The following PLCB4 variants were observed in gnomAD, a reference collection of about 807,000 sequenced individuals.
PLCB4 encodes the protein 1-phosphatidylinositol 4,5-bisphosphate phosphodiesterase beta-4.
PLCB4 carries 77 observed loss-of-function variants against 178.8 expected under a neutral mutation model. The observed-to-expected ratio is 0.43, with a 90% CI of 0.36 to 0.52. The LOEUF is 0.52. PLCB4 is among the 20% of genes least tolerant of loss of function. PLCB4 has a pLI of 0.00. For synonymous variants in PLCB4, 496 were observed against 490.8 expected (o/e 1.01, Z -0.14); for missense variants, 1,024 against 1,453.4 (o/e 0.70, Z 4.80).
At chr20:9,217,231 G>A (rs1333483663) in intron 2 of PLCB4, among the ~76,000 whole-genome samples, 159 bp from the exon 3 acceptor site, 3 of 152,154 alleles carry the variant, frequency 2.0e-5, no homozygotes, top group African/African-American at 7.2e-5. Context: ...CTGTGTGTCT[G>A]TGTCATTTGT....
chr20:9,097,772 A>G (rs1240232278), intron 2 of PLCB4, among the ~76,000 whole-genome samples: 1 of 152,122 alleles, frequency 6.6e-6, no homozygotes, highest in Non-Finnish European at 1.5e-5. Context: ...GCAGTTGCTC[A>G]CATGTTACTT....
intron 7 of PLCB4, among the ~76,000 whole-genome samples, chr20:9,356,882 G>A (rs1476366146): frequency 2.0e-5 from 3 of 152,158 alleles, no homozygotes; most frequent in Non-Finnish European, 4.4e-5. Context: ...TTAGGAGGCC[G>A]AAGCAGATAC....
At chr20:9,156,653 C>T (rs1159931029) in intron 2 of PLCB4, among the ~76,000 whole-genome samples, 3 of 152,088 alleles carry the variant, frequency 2.0e-5, no homozygotes, top group Admixed American at 2.0e-4. Flanking sequence ...GTTGCTGTGG[C>T]AATTTACATA....
At chr20:9,246,242 G>C (rs1290750157) in intron 3 of PLCB4, among the ~76,000 whole-genome samples, 3 of 151,890 alleles carry the variant, frequency 2.0e-5, no homozygotes, top group Non-Finnish European at 2.9e-5. Flanking sequence ...ATGAAGCCCT[G>C]TGCATAAAAA....
intron 19 of PLCB4, among the ~76,000 whole-genome samples, chr20:9,396,538 G>A (rs1432335743): frequency 1.3e-5 from 2 of 152,112 alleles, no homozygotes; most frequent in African/African-American, 4.8e-5. Flanking sequence ...AGTTGTAAAT[G>A]GGTCATTTGA....
At chr20:9,309,286 A>G (rs1262043857) in intron 4 of PLCB4, among the ~76,000 whole-genome samples, 3 of 152,168 alleles carry the variant, frequency 2.0e-5, no homozygotes, top group African/African-American at 7.2e-5. Flanking sequence ...TGGTTTGTTT[A>G]TGCTACTCCC....
At chr20:9,210,306 C>T (rs893803981) in intron 2 of PLCB4, among the ~76,000 whole-genome samples, 17 of 152,024 alleles carry the variant, frequency 1.1e-4, no homozygotes, top group Non-Finnish European at 1.9e-4. Flanking sequence ...GATGCTTTCT[C>T]GGGAGGGGAA....
rs1175855674 is a variant in PLCB4, at chr20:9,102,173, A to G, written c.-79+5831A>G. On this transcript the variant is annotated intron_variant, in intron 2 of 39. Transcript: ENST00000378473. Reference sequence around the variant, plus strand: ...AATCAGAGTTCTGAGTGAGTTTTTAATCCTCTTGGATCACTACAAAGATTG... The same window carrying G: ...AATCAGAGTTCTGAGTGAGTTTTTAGTCCTCTTGGATCACTACAAAGATTG... Among the ~76,000 whole-genome samples, 4 of 152,122 alleles carry G rather than the reference A, an allele frequency of 2.6e-5. No individual in the cohort carries two copies. The East Asian group carries it at 7.7e-4, about 29-fold the overall frequency.
intron 2 of PLCB4, among the ~76,000 whole-genome samples, chr20:9,217,105 A>C (rs891422269): frequency 2.0e-5 from 3 of 152,192 alleles, no homozygotes; most frequent in Admixed American, 1.3e-4. Context: ...TTGTTGTTCT[A>C]TTGCTGCTTA....
At chr20:9,196,890 T>C (rs1034752724) in intron 2 of PLCB4, among the ~76,000 whole-genome samples, 2 of 152,196 alleles carry the variant, frequency 1.3e-5, no homozygotes, top group South Asian at 2.1e-4. Flanking sequence ...GAGTTCTGAA[T>C]TGAATTTAAA....
intron 4 of PLCB4, among the ~76,000 whole-genome samples, chr20:9,321,335 C>A (rs2094956516): frequency 6.6e-6 from 1 of 152,174 alleles, no homozygotes; most frequent in African/African-American, 2.4e-5. Flanking sequence ...GGTCACACAG[C>A]TTTATGACCC....
intron 3 of PLCB4, among the ~76,000 whole-genome samples, chr20:9,225,258 AG>A (rs1322146738): frequency 6.6e-6 from 1 of 152,164 alleles, no homozygotes; most frequent in African/African-American, 2.4e-5. Context: ...TAAAAGAAAA[AG>A]TTAGAGAAGA....
chr20:9,323,130 G>A (rs2094979575), intron 4 of PLCB4, among the ~76,000 whole-genome samples: 1 of 151,946 alleles, frequency 6.6e-6, no homozygotes, highest in Non-Finnish European at 1.5e-5. Context: ...CTACCATTTC[G>A]CTGTCCCATT....
chr20:9,478,689 A>G (rs2044717546), intron 39 of PLCB4, among the ~76,000 whole-genome samples: 1 of 152,140 alleles, frequency 6.6e-6, no homozygotes. Context: ...CTTCCTGGAG[A>G]TCTTGTTAAA....
At chr20:9,121,327 A>G (rs1160261753) in intron 2 of PLCB4, among the ~76,000 whole-genome samples, 2 of 151,768 alleles carry the variant, frequency 1.3e-5, no homozygotes, top group Non-Finnish European at 2.9e-5. Context: ...AATGACCAGA[A>G]TTTTCTCTCC....
chr20:9,342,481 T>A (rs1157688213), intron 7 of PLCB4, among the ~76,000 whole-genome samples: 1 of 152,186 alleles, frequency 6.6e-6, no homozygotes, highest in South Asian at 2.1e-4. Context: ...TTTTGGTCAG[T>A]TTATCACAAA....
At chr20:9,379,176 A>G (rs2036929961) in intron 12 of PLCB4, among the ~76,000 whole-genome samples, 1 of 152,148 alleles carries the variant, frequency 6.6e-6, no homozygotes, top group Non-Finnish European at 1.5e-5. Context: ...ACAGAAAGGA[A>G]GTTTAGTGGA....
intron 14 of PLCB4, among the ~76,000 whole-genome samples, chr20:9,385,160 G>A (rs80193938): frequency 6.6e-6 from 1 of 152,176 alleles, no homozygotes; most frequent in African/African-American, 2.4e-5. Context: ...CAAGGCAGAA[G>A]AATTTTTCTT....
In PLCB4 at chr20:9,390,614, C is replaced by A. The variant is rs148072006; in HGVS notation, c.1322C>A (p.Pro441Gln). The A allele has an allele frequency of 1.2e-4, 177 of 1,457,802 alleles. No homozygotes were observed. In the African/African-American group the frequency reaches 2.0e-3, roughly 17 times the overall value. The allele number at this position is 1,457,802 out of a possible 1,614,324, so 90.3% of individuals were successfully genotyped here. Reference protein sequence around the residue: ...LLLKQALESHPLEPGRALPSP... With the variant: ...LLLKQALESHQLEPGRALPSP... ...TTGAAACAAGCACTTGAATCACATCCAGTATGTATTTTTAACAAACCATAT... is the reference window on the plus strand; with the variant it reads ...TTGAAACAAGCACTTGAATCACATCAAGTATGTATTTTTAACAAACCATAT... Residue 441 changes from proline (P) to glutamine (Q), a missense_variant and splice_region_variant, in exon 17 of 40, where the codon CCA (proline) becomes CAA (glutamine). This residue lies in a region of PLCB4 where 263 missense variants were observed against 417.4 expected (regional missense o/e 0.63). Transcript: ENST00000378473.
Sources: allele counts gnomAD v4.1 joint callset (sites outside exome capture counted in the v4.1 genomes callset), GRCh38; gene constraint gnomAD v4.1.1; regional missense constraint gnomAD v4.1.1; transcripts MANE v1.5; gene names NCBI Gene and HGNC (gene_info 2026-07-23, HGNC 2026-07-21).